Variants in DPH6 observed in about 807,000 individuals in gnomAD.
The protein encoded by DPH6 is diphthine--ammonia ligase.
In DPH6, 33 loss-of-function variants were observed where a neutral mutation model predicts 38.2. The observed-to-expected ratio is 0.86, with a 90% confidence interval of 0.65 to 1.15. The LOEUF is 1.15. DPH6 is among the 50% of genes most tolerant of loss of function. The pLI is 0.00. For synonymous variants in DPH6, 108 were observed against 103.0 expected, an observed-to-expected ratio of 1.05 and a Z score of -0.30; for missense variants, 325 against 320.0, an observed-to-expected ratio of 1.02 and a Z score of -0.12.
intron 3 of DPH6, among the ~76,000 whole-genome samples, chr15:35,250,350 A>C (rs2051665509): frequency 1.3e-5 from 2 of 152,190 alleles, no homozygotes; most frequent in South Asian, 4.1e-4. Flanking sequence ...GATATTTAAA[A>C]GATGATTTAA....
intron 3 of DPH6, among the ~76,000 whole-genome samples, chr15:35,533,547 A>G (rs1393875673): frequency 6.6e-6 from 1 of 152,082 alleles, no homozygotes; most frequent in Admixed American, 6.5e-5. Context: ...AGAAAACAAA[A>G]CAAAACAAAA....
chr15:35,155,562 A>T, the DPH6 span, among the ~76,000 whole-genome samples: 1 of 152,224 alleles, frequency 6.6e-6, no homozygotes, highest in Non-Finnish European at 1.5e-5. Context: ...GGTGAAGGGC[A>T]AAGGGAGACT....
At chr15:35,387,220 T>G (rs2140950232) in intron 6 of DPH6, among the ~76,000 whole-genome samples, 1 of 152,312 alleles carries the variant, frequency 6.6e-6, no homozygotes, top group Admixed American at 6.5e-5. Flanking sequence ...TTGGTACCAG[T>G]AGCATGCTGT....
chr15:35,259,710 T>A (rs537142304), intron 3 of DPH6, among the ~76,000 whole-genome samples: 2 of 152,342 alleles, frequency 1.3e-5, no homozygotes, highest in Admixed American at 1.3e-4. Flanking sequence ...GAGCAGCCAA[T>A]ATAAGTCCTA....
At chr15:35,279,260 G>T (rs1444178915) in intron 3 of DPH6, among the ~76,000 whole-genome samples, 1 of 151,730 alleles carries the variant, frequency 6.6e-6, no homozygotes, top group African/African-American at 2.4e-5. Context: ...CAGGCTCATA[G>T]GAAAGAACTA....
At chr15:35,299,543 T>A in intron 3 of DPH6, 1 of 542,710 alleles carries the variant, frequency 1.8e-6, no homozygotes, top group Non-Finnish European at 3.3e-6. Flanking sequence ...GGCACCACCC[T>A]CCGCTGAGTC....
In DPH6 at chr15:35,490,259, T is replaced by C. The variant is rs180794576; in HGVS notation, c.313-35439A>G. On this transcript the variant is annotated intron_variant, in intron 3 of 8. Transcript: ENST00000256538. ...AAAACAAATAAGAAGACAGGCTGAA[T>C]TGTCAGTCATAAAGAGAGGTTTGTA... The C allele has an allele frequency of 4.9e-4, 446 of 917,120 alleles. 3 individuals carry two copies. In the African/African-American group the frequency reaches 7.6e-3, roughly 16 times the overall value. 56.8% of individuals were successfully genotyped at this position (917,120 alleles called of 1,614,324 possible).
chr15:35,384,371 T>A (rs922243367), intron 6 of DPH6, among the ~76,000 whole-genome samples: 1 of 152,236 alleles, frequency 6.6e-6, no homozygotes, highest in Non-Finnish European at 1.5e-5. Flanking sequence ...ATTCTTTCAC[T>A]AAGTTATTCT....
chr15:35,505,849 C>G (rs1255141874), intron 3 of DPH6, among the ~76,000 whole-genome samples: 1 of 152,080 alleles, frequency 6.6e-6, no homozygotes, highest in African/African-American at 2.4e-5. Flanking sequence ...TAAAGAAGCC[C>G]TTTAAACTAC....
chr15:35,401,739 G>A (rs28399803), intron 6 of DPH6: 211,250 of 708,362 alleles, frequency 0.3, 34,665 homozygotes, highest in African/African-American at 0.55. Context: ...CAGTAGCAGC[G>A]GTAGCTACGA....
At chr15:35,389,627 G>A (rs1008957755) in intron 6 of DPH6, among the ~76,000 whole-genome samples, 2 of 152,112 alleles carry the variant, frequency 1.3e-5, no homozygotes, top group African/African-American at 4.8e-5. Context: ...ATCTTTGTTG[G>A]TTTAAAGTCT....
rs572769550 is a variant in DPH6, at chr15:35,336,067, T to C, written n.208-4990A>G. 3.9e-5 allele frequency among the ~76,000 whole-genome samples: 6 copies of C among 152,328 alleles called. No homozygotes were observed. The South Asian group carries it at 8.3e-4, about 21-fold the overall frequency. On this transcript the variant is annotated intron_variant and non_coding_transcript_variant, in intron 3 of 3. Coordinates refer to the DPH6 transcript ENST00000558973. ...TCTGATTTCTTTGAGCAGTAGTTTC[T>C]AGTTCTTCTTGAAGAGATTCTTCAC...
intron 5 of DPH6, among the ~76,000 whole-genome samples, chr15:35,413,566 A>C (rs1287967671): frequency 6.6e-6 from 1 of 151,666 alleles, no homozygotes; most frequent in East Asian, 1.9e-4. Context: ...TTTATCTTGT[A>C]ATCTATATGT....
intron 3 of DPH6, among the ~76,000 whole-genome samples, chr15:35,361,104 C>T (rs771449037): frequency 4.6e-5 from 7 of 152,036 alleles, no homozygotes; most frequent in African/African-American, 4.8e-5. Flanking sequence ...CAAGCGTGTC[C>T]GGAACTGAGA....
At chr15:35,446,163 A>G (rs1271057596) in intron 5 of DPH6, among the ~76,000 whole-genome samples, 1 of 151,972 alleles carries the variant, frequency 6.6e-6, no homozygotes, top group African/African-American at 2.4e-5. Context: ...AACAGATGAC[A>G]TAAATTTACA....
chr15:35,505,236 C>A (rs1387121719), intron 3 of DPH6, among the ~76,000 whole-genome samples: 1 of 151,926 alleles, frequency 6.6e-6, no homozygotes, highest in East Asian at 1.9e-4. Context: ...TAAAGATAAA[C>A]TGGATTAACT....
At chr15:35,327,773 T>C (rs183152757), downstream of DPH6, among the ~76,000 whole-genome samples, 3 of 152,292 alleles carry the variant, frequency 2.0e-5, no homozygotes, top group Non-Finnish European at 4.4e-5. Flanking sequence ...AATAAGACAG[T>C]TGGGTTGATT....
At chr15:35,234,950 G>T (rs114565929) in intron 3 of DPH6, among the ~76,000 whole-genome samples, 1 of 152,190 alleles carries the variant, frequency 6.6e-6, no homozygotes, top group South Asian at 2.1e-4. Context: ...ACTGGATCAA[G>T]CTACATCTGA....
At position 35,312,619 on chromosome 15, in the gene DPH6, G is replaced by A. The variant is rs72708947; in HGVS notation, n.200+60902C>T. Among the ~76,000 whole-genome samples, 263 of 152,156 alleles carry A rather than the reference G, an allele frequency of 1.7e-3. 1 individual carries two copies. The highest frequency in any genetic ancestry group is 5.0e-3 in the East Asian group (26 of 5,188). On this transcript the variant is annotated intron_variant and non_coding_transcript_variant, in intron 3 of 3. Coordinates refer to the DPH6 transcript ENST00000560386. ...CAATATTCAGCATTAATAAAGAAAG[G>A]AATAACAGACATGACACAAAACAGG...
Sources: allele counts gnomAD v4.1 joint callset (sites outside exome capture counted in the v4.1 genomes callset), GRCh38; gene constraint gnomAD v4.1.1; transcripts MANE v1.5; gene names NCBI Gene and HGNC (gene_info 2026-07-23, HGNC 2026-07-21).